Variants in QDPR observed in about 807,000 individuals in gnomAD.
QDPR encodes the protein quinoid dihydropteridine reductase.
In QDPR, 23 loss-of-function variants were observed where a neutral mutation model predicts 31.7. The ratio of observed to expected loss-of-function variants is 0.73; its 90% CI spans 0.52 to 1.03. The LOEUF is 1.03. Among genes scored for constraint, QDPR ranks in the 50% least tolerant of loss-of-function variants. The probability of loss-of-function intolerance (pLI) is 0.00; values close to 1 mark genes in which losing one functional copy is unlikely to be tolerated. For missense variants in QDPR, 324 were observed against 323.8 expected (o/e 1.00, Z 0.00); for synonymous variants, 124 against 124.7 (o/e 0.99, Z 0.03).
chr4:17,490,810 C>T (rs1718137469), intron 5 of QDPR, 65 bp from the exon 6 acceptor site: 1 of 1,373,436 alleles, frequency 7.3e-7, no homozygotes, highest in Non-Finnish European at 1.0e-6. Flanking sequence ...TGCCCAGTCC[C>T]CCTTGGCCAG....
intron 2 of QDPR, among the ~76,000 whole-genome samples, chr4:17,507,608 T>C (rs1291445244): frequency 6.6e-6 from 1 of 151,526 alleles, no homozygotes; most frequent in Non-Finnish European, 1.5e-5. Context: ...CTTTCTTTTT[T>C]TTTTTTTTGT....
chr4:17,508,933 C>T (rs375400145), intron 2 of QDPR, among the ~76,000 whole-genome samples: 151 of 152,102 alleles, frequency 9.9e-4, no homozygotes, highest in East Asian at 4.8e-3. Flanking sequence ...CTAAGGCGGG[C>T]GGATCACAAG....
At position 17,488,161 on chromosome 4, in the gene QDPR, TGTG is replaced by T. The variant is rs750019503; in HGVS notation, c.630-928_630-926del. Among the ~76,000 whole-genome samples, 5 of 151,908 alleles carry T rather than the reference TGTG, an allele frequency of 3.3e-5. No individual in the cohort carries two copies. The East Asian group carries it at 7.8e-4, about 24-fold the overall frequency. On this transcript the variant is annotated intron_variant, in intron 6 of 6. Coordinates refer to ENST00000281243, the MANE Select transcript of QDPR (RefSeq NM_000320.3). ...CTGTAGTCCCAGCTACTCAGGAGGCTGTGGTGGGATGATTGCTTGAGCCCCGGA... is the reference window on the plus strand; with the variant it reads ...CTGTAGTCCCAGCTACTCAGGAGGCTGTGGGATGATTGCTTGAGCCCCGGA...
chr4:17,493,351 C>T (rs1483073670), intron 4 of QDPR, among the ~76,000 whole-genome samples: 2 of 152,110 alleles, frequency 1.3e-5, no homozygotes, highest in African/African-American at 4.8e-5. Context: ...GGGAGGTTCA[C>T]TTGAGCCTGG....
At chr4:17,508,420 T>C (rs1002694524) in intron 2 of QDPR, among the ~76,000 whole-genome samples, 13 of 152,184 alleles carry the variant, frequency 8.5e-5, no homozygotes, top group Non-Finnish European at 1.8e-4. Flanking sequence ...GTGTCAACAG[T>C]AGAGCAAGAC....
chr4:17,493,515 C>T (rs1322118523), intron 4 of QDPR, among the ~76,000 whole-genome samples: 2 of 152,186 alleles, frequency 1.3e-5, no homozygotes, highest in African/African-American at 2.4e-5. Context: ...GGGGTTTGCA[C>T]AACCCCCTCT....
At position 17,490,761 on chromosome 4, in the gene QDPR, A is replaced by G. The variant is rs1718135220; in HGVS notation, c.546-16T>C. On this transcript the variant is annotated splice_polypyrimidine_tract_variant and intron_variant, in intron 5 of 6. Transcript: ENST00000281243. The stretch of plus-strand genomic sequence containing the variant: ...CAGGGTAACCCTGCAATGGACACAG[A>G]TAAGCACGTCATTCATGTCGCTCCT... The G allele has an allele frequency of 1.9e-6, 3 of 1,604,054 alleles. No individual in the cohort carries two copies. The highest frequency in any genetic ancestry group is 2.6e-6 in the Non-Finnish European group (3 of 1,171,442).
intron 1 of QDPR, chr4:17,509,800 T>C (rs896031297): frequency 8.3e-6 from 3 of 361,794 alleles, no homozygotes; most frequent in Non-Finnish European, 5.4e-6. Context: ...CACCCTATAT[T>C]GGGCTCCATC....
chr4:17,509,586 G>A (rs1246397661), intron 1 of QDPR, among the ~76,000 whole-genome samples: 1 of 152,134 alleles, frequency 6.6e-6, no homozygotes, highest in Non-Finnish European at 1.5e-5. Flanking sequence ...AATTAGTCAG[G>A]TGTGGTGGCA....
chr4:17,504,777 T>TAA (rs111520970), intron 2 of QDPR, among the ~76,000 whole-genome samples: 2 of 148,126 alleles, frequency 1.4e-5, no homozygotes, highest in African/African-American at 5.0e-5. Context: ...AGGGAAAGGT[T>TAA]AAAAAAAAAA....
At chr4:17,505,724 C>T (rs765160826) in intron 2 of QDPR, among the ~76,000 whole-genome samples, 2 of 152,034 alleles carry the variant, frequency 1.3e-5, no homozygotes, top group Non-Finnish European at 2.9e-5. Context: ...AAATCAACAC[C>T]CTGTGTCTCT....
intron 1 of QDPR, among the ~76,000 whole-genome samples, chr4:17,509,704 T>C (rs905421926): frequency 6.6e-6 from 1 of 152,066 alleles, no homozygotes; most frequent in African/African-American, 2.4e-5. Context: ...GAAGGAGGCC[T>C]TATCTCCATT....
intron 3 of QDPR, among the ~76,000 whole-genome samples, chr4:17,503,362 G>A (rs905234755): frequency 1.3e-5 from 2 of 152,190 alleles, no homozygotes; most frequent in African/African-American, 4.8e-5. Flanking sequence ...TTGAATATGG[G>A]CTCAATATCA....
intron 3 of QDPR, among the ~76,000 whole-genome samples, chr4:17,503,732 C>T (rs1417508220): frequency 6.6e-6 from 1 of 152,118 alleles, no homozygotes; most frequent in Non-Finnish European, 1.5e-5. Flanking sequence ...GGTGGATCAC[C>T]TGAGGTCAGG....
rs754390576 is a variant in QDPR at position 17,512,076 on chromosome 4, C to G, written c.-22G>C. Reference sequence around the variant, plus strand: ...CCATCCTGCTCCTGCCAGCCCGGCTCCCGCAGCTCCGAATGCCTCGAGCCG... The same window carrying G: ...CCATCCTGCTCCTGCCAGCCCGGCTGCCGCAGCTCCGAATGCCTCGAGCCG... On this transcript the variant is annotated 5_prime_UTR_variant, in exon 1 of 7. Transcript: ENST00000281243. The G allele has an allele frequency of 2.6e-6, 4 of 1,556,688 alleles. No homozygotes were observed. In the African/African-American group the frequency reaches 4.2e-5, roughly 16 times the overall value.
At chr4:17,494,590 T>C (rs1189553709) in intron 4 of QDPR, among the ~76,000 whole-genome samples, 1 of 152,194 alleles carries the variant, frequency 6.6e-6, no homozygotes, top group Non-Finnish European at 1.5e-5. Flanking sequence ...CTTAATTATG[T>C]CAAGTAATAA....
At chr4:17,488,833 A>G (rs1718060297) in intron 6 of QDPR, among the ~76,000 whole-genome samples, 1 of 152,324 alleles carries the variant, frequency 6.6e-6, no homozygotes, top group South Asian at 2.1e-4. Flanking sequence ...ATATGAGCAC[A>G]TGGGCTCAAA....
chr4:17,498,092 A>G (rs1334996643), intron 4 of QDPR, among the ~76,000 whole-genome samples: 1 of 152,202 alleles, frequency 6.6e-6, no homozygotes, highest in East Asian at 1.9e-4. Flanking sequence ...AGGAATGATG[A>G]GTCACTGTAA....
At chr4:17,498,220 A>C (rs1466651660) in intron 4 of QDPR, among the ~76,000 whole-genome samples, 1 of 152,164 alleles carries the variant, frequency 6.6e-6, no homozygotes, top group Non-Finnish European at 1.5e-5. Flanking sequence ...GTCCAGCGGG[A>C]GGTGGGGGGA....
Sources: gnomAD v4.1 joint callset for allele counts (sites outside exome capture counted in the v4.1 genomes callset) on GRCh38, gnomAD v4.1.1 for gene constraint, MANE v1.5 for transcripts, NCBI Gene and HGNC (gene_info 2026-07-23, HGNC 2026-07-21) for gene names.